The following NEGR1 variants were observed in gnomAD, a reference collection of about 807,000 sequenced individuals.
NEGR1 encodes neuronal growth regulator 1.
Under a neutral mutation model 40.9 loss-of-function variants are expected in NEGR1, and 10 were observed. The ratio of observed to expected loss-of-function variants is 0.24; its 90% confidence interval spans 0.15 to 0.42. The LOEUF (loss-of-function observed/expected upper bound fraction) is 0.42. Ranked by LOEUF, NEGR1 falls within the 10% of genes least tolerant of loss-of-function variation. The pLI is 1.00. For synonymous variants in NEGR1, 185 were observed against 166.8 expected (o/e 1.11, Z -0.84); for missense variants, 352 against 438.9 (o/e 0.80, Z 1.77).
chr1:71,881,076 TA>T (rs902844088), intron 2 of NEGR1, among the ~76,000 whole-genome samples: 18 of 152,148 alleles, frequency 1.2e-4, no homozygotes, highest in African/African-American at 4.3e-4. Context: ...TCCCACTTTT[TA>T]CCTACACAGG....
intron 6 of NEGR1, among the ~76,000 whole-genome samples, chr1:71,465,361 T>C (rs1256189104): frequency 6.6e-6 from 1 of 152,106 alleles, no homozygotes; most frequent in Non-Finnish European, 1.5e-5. Context: ...GTTATCTCCT[T>C]AATTATTTCA....
intron 1 of NEGR1, among the ~76,000 whole-genome samples, chr1:72,269,662 C>T (rs1557606871): frequency 4.0e-5 from 6 of 151,596 alleles, no homozygotes; most frequent in Non-Finnish European, 7.4e-5. Context: ...ATACATTATA[C>T]CTAACTCTAA....
At chr1:71,418,920 A>AT (rs1646374764) in intron 6 of NEGR1, among the ~76,000 whole-genome samples, 1 of 152,210 alleles carries the variant, frequency 6.6e-6, no homozygotes, top group South Asian at 2.1e-4. Context: ...TATGAGATAA[A>AT]TTTGCAAAAT....
intron 1 of NEGR1, among the ~76,000 whole-genome samples, chr1:72,205,966 T>A (rs1339757513): frequency 6.7e-6 from 1 of 148,704 alleles, no homozygotes; most frequent in Non-Finnish European, 1.5e-5. Context: ...AAAATACAGA[T>A]AATTACTTAG....
At chr1:72,162,292 A>AAAT (rs1553146847) in intron 1 of NEGR1, among the ~76,000 whole-genome samples, 11,866 of 144,662 alleles carry the variant, frequency 0.082, 1,688 homozygotes, top group African/African-American at 0.29. Flanking sequence ...CCTCTACTAA[A>AAAT]AAAAAATAAA....
chr1:72,115,567 C>G (rs76062338), intron 1 of NEGR1, among the ~76,000 whole-genome samples: 76 of 151,806 alleles, frequency 5.0e-4, no homozygotes, highest in African/African-American at 1.8e-3. Context: ...CTGGACAGAA[C>G]AGACATGAGT....
At chr1:72,139,144 T>C (rs1570027509) in intron 1 of NEGR1, among the ~76,000 whole-genome samples, 2 of 150,970 alleles carry the variant, frequency 1.3e-5, no homozygotes, top group South Asian at 2.1e-4. Context: ...CCAATGTGGC[T>C]AGAGCAGTAT....
intron 3 of NEGR1, among the ~76,000 whole-genome samples, chr1:71,761,274 G>A (rs1655930420): frequency 6.6e-6 from 1 of 152,102 alleles, no homozygotes; most frequent in Non-Finnish European, 1.5e-5. Flanking sequence ...CTGCTGTAGA[G>A]TTAAAGCGGC....
At chr1:71,678,445 T>A (rs1652717046) in intron 4 of NEGR1, among the ~76,000 whole-genome samples, 1 of 152,216 alleles carries the variant, frequency 6.6e-6, no homozygotes, top group Non-Finnish European at 1.5e-5. Context: ...AGTAATGAAC[T>A]TTTTGTTCAG....
intron 1 of NEGR1, among the ~76,000 whole-genome samples, chr1:72,012,818 C>T (rs191944653): frequency 5.0e-4 from 71 of 140,794 alleles, no homozygotes; most frequent in Middle Eastern, 3.9e-3. Context: ...TATATATATA[C>T]ACACACACAC....
At chr1:72,244,355 A>C (rs1654837597) in intron 1 of NEGR1, among the ~76,000 whole-genome samples, 1 of 151,914 alleles carries the variant, frequency 6.6e-6, no homozygotes. Flanking sequence ...ACAGGATGGT[A>C]CATAATTCAG....
intron 1 of NEGR1, among the ~76,000 whole-genome samples, chr1:72,244,966 C>T (rs753386419): frequency 5.9e-5 from 9 of 151,704 alleles, no homozygotes; most frequent in Non-Finnish European, 1.2e-4. Context: ...AAATCACCGA[C>T]GAAAAGCACA....
intron 6 of NEGR1, among the ~76,000 whole-genome samples, chr1:71,458,523 G>T (rs2101340046): frequency 6.6e-6 from 1 of 152,210 alleles, no homozygotes; most frequent in Non-Finnish European, 1.5e-5. Context: ...TTCTATTTCT[G>T]TATAATTTCA....
At chr1:72,215,986 T>C (rs1478065115) in intron 1 of NEGR1, among the ~76,000 whole-genome samples, 1 of 151,814 alleles carries the variant, frequency 6.6e-6, no homozygotes, top group East Asian at 1.9e-4. Context: ...TAGATGGGAT[T>C]AGGAAATGTG....
chr1:72,034,123 C>T (rs1394042731), intron 1 of NEGR1, among the ~76,000 whole-genome samples: 1 of 152,144 alleles, frequency 6.6e-6, no homozygotes, highest in African/African-American at 2.4e-5. Context: ...GCACAATCAA[C>T]TTGAGTTAAA....
chr1:71,820,475 T>C (rs1264412035), intron 2 of NEGR1, among the ~76,000 whole-genome samples: 3 of 152,000 alleles, frequency 2.0e-5, no homozygotes, highest in African/African-American at 4.8e-5. Context: ...AATATCTAGA[T>C]AATTTGATGG....
chr1:72,074,417 G>A (rs750370127), intron 1 of NEGR1, among the ~76,000 whole-genome samples: 71 of 151,666 alleles, frequency 4.7e-4, no homozygotes, highest in Middle Eastern at 3.4e-3. Context: ...TTTTATGTGC[G>A]AATATATCAC....
intron 6 of NEGR1, among the ~76,000 whole-genome samples, chr1:71,487,752 A>T (rs1646897948): frequency 1.4e-5 from 2 of 147,340 alleles, no homozygotes; most frequent in Admixed American, 6.8e-5. Flanking sequence ...TTTTTTTTTT[A>T]GTAAAAAGGA....
At chr1:71,561,450 T>C (rs1205901080) in intron 6 of NEGR1, among the ~76,000 whole-genome samples, 1 of 151,642 alleles carries the variant, frequency 6.6e-6, no homozygotes, top group Non-Finnish European at 1.5e-5. Context: ...TCTATTGCAT[T>C]TTGCTCTTTA....
Sources: allele counts gnomAD v4.1 joint callset (sites outside exome capture counted in the v4.1 genomes callset), GRCh38; gene constraint gnomAD v4.1.1; transcripts MANE v1.5; gene names NCBI Gene and HGNC (gene_info 2026-07-23, HGNC 2026-07-21).